SLC37A2: variants seen among roughly 807,000 people sequenced by gnomAD.
SLC37A2 encodes the protein solute carrier family 37 member 2, also known as glucose-6-phosphate exchanger SLC37A2.
In SLC37A2, 59 loss-of-function variants were observed where a neutral mutation model predicts 70.7. The ratio of observed to expected loss-of-function variants is 0.83; its 90% CI spans 0.68 to 1.04. The LOEUF is 1.04. Among genes scored for constraint, SLC37A2 ranks in the 50% least tolerant of loss-of-function variants. SLC37A2 has a pLI of 0.00. For missense variants in SLC37A2, 580 were observed against 658.1 expected, an observed-to-expected ratio of 0.88 and a Z score of 1.30; for synonymous variants, 257 against 262.1, an observed-to-expected ratio of 0.98 and a Z score of 0.19.
chr11:125,081,411 T>A lies in SLC37A2; in HGVS notation c.695-10T>A, dbSNP rs1291749932. ...TGGGAAACTTCTTAGAAAGCGATTT[T>A]TTTTTCTAGACCCAGAAGATGTGGA... is the stretch of plus-strand genomic sequence containing the variant. On this transcript the variant is annotated splice_polypyrimidine_tract_variant and intron_variant, in intron 7 of 17. Transcript: ENST00000403796. 6.2e-7 allele frequency: 1 copy of A among 1,604,234 alleles called. No individual in the cohort carries two copies. Among genetic ancestry groups the A allele is most frequent in the Admixed American group, 1.7e-5 (1 of 58,782 alleles).
chr11:125,066,891 A>T (rs1456864643), intron 1 of SLC37A2, among the ~76,000 whole-genome samples: 2 of 152,196 alleles, frequency 1.3e-5, no homozygotes, highest in East Asian at 3.8e-4. Context: ...GCTGATGTAC[A>T]TCTCCAGTTG....
At position 125,088,328 on chromosome 11, in the gene SLC37A2, G is replaced by GA. The variant is rs1350446554; in HGVS notation, c.*197dup. 1.4e-5 allele frequency: 9 copies of GA among 628,646 alleles called. No homozygotes were observed. The highest frequency in any genetic ancestry group is 2.5e-5 in the Non-Finnish European group (9 of 366,220). 38.9% of individuals were successfully genotyped at this position (628,646 alleles called of 1,614,324 possible). On this transcript the variant is annotated 3_prime_UTR_variant, in exon 18 of 18. Transcript: ENST00000403796. Reference sequence around the variant, plus strand: ...TGGGAAGGGGACTGCCAAGCATGAGGAAATAGAAGATTCAGGGGCCTGAGC... The same window carrying GA: ...TGGGAAGGGGACTGCCAAGCATGAGGAAAATAGAAGATTCAGGGGCCTGAGC...
At position 125,084,975 on chromosome 11, in the gene SLC37A2, G is replaced by T. The variant is rs1949189949; in HGVS notation, c.1175-91G>T. 4.4e-6 allele frequency: 7 copies of T among 1,593,394 alleles called. No homozygotes were observed. The Admixed American group carries it at 1.2e-4, about 27-fold the overall frequency. ...GGGGCACTGACAGGTGGAGGGGCTG[G>T]GAGGGCTGAAGGCTGGAGAGTGCTC... On this transcript the variant is annotated intron_variant, in intron 13 of 17. Coordinates refer to ENST00000403796, the MANE Select transcript of SLC37A2 (RefSeq NM_001145290.2).
Position 125,081,792 on chromosome 11 carries a change from T to C in SLC37A2, c.771T>C (p.Pro257=). The C allele has an allele frequency of 6.2e-7, 1 of 1,612,962 alleles. No individual in the cohort carries two copies. The highest frequency in any genetic ancestry group is 8.5e-7 in the Non-Finnish European group (1 of 1,179,366). The change falls in exon 9 of 18, where the codon CCT becomes CCC. Residue 257 remains proline (P), a synonymous_variant. Transcript: ENST00000403796. Reference sequence around the variant, plus strand: ...AGAACCAGGACAACCCTGAGGACCCTGGGAACAGTCCCTGCTCTATCAGGG... The same window carrying C: ...AGAACCAGGACAACCCTGAGGACCCCGGGAACAGTCCCTGCTCTATCAGGG... ...PAENQDNPED[P]GNSPCSIRES... is the part of the protein sequence containing the mutation.
chr11:125,085,877 G>A lies in SLC37A2; in HGVS notation c.1426-77G>A, dbSNP rs371961385. On this transcript the variant is annotated intron_variant, in intron 16 of 17. Transcript: ENST00000403796. ...TCCCCCTTCTCCACTGCCAGTCCACGGGTCACCCTGGTGCTGGGCACTCAG... is the reference window on the plus strand; with the variant it reads ...TCCCCCTTCTCCACTGCCAGTCCACAGGTCACCCTGGTGCTGGGCACTCAG... The A allele has an allele frequency of 5.9e-4, 837 of 1,414,584 alleles. 7 individuals carry two copies. In the African/African-American group the frequency reaches 9.4e-3, roughly 16 times the overall value. The allele number at this position is 1,414,584 out of a possible 1,614,324, so 87.6% of individuals were successfully genotyped here.
At chr11:125,071,257 C>T (rs912716832) in intron 1 of SLC37A2, among the ~76,000 whole-genome samples, 1 of 152,172 alleles carries the variant, frequency 6.6e-6, no homozygotes, top group African/African-American at 2.4e-5. Flanking sequence ...AGGACTGCAG[C>T]TCTGCCATCA....
At chr11:125,072,084 G>T (rs553837807) in intron 1 of SLC37A2, among the ~76,000 whole-genome samples, 1 of 152,202 alleles carries the variant, frequency 6.6e-6, no homozygotes, top group African/African-American at 2.4e-5. Context: ...ACATCTCTCG[G>T]GGGCAGCGTC....
At chr11:125,085,321 C>T in intron 14 of SLC37A2, 74 bp from the exon 15 acceptor site, 1 of 1,461,614 alleles carries the variant, frequency 6.8e-7, no homozygotes, top group Non-Finnish European at 9.5e-7. Flanking sequence ...TTCCCTGAGT[C>T]AGCCCCTCTC....
At position 125,079,764 on chromosome 11, in the gene SLC37A2, A is replaced by T. The variant is rs748147659; in HGVS notation, c.527+4A>T. ...GCAACTGGTTCGGGAAGGGGAAGTG[A>T]GTGTAACAAGGGAGGAGGAGTGGGA... On this transcript the variant is annotated splice_donor_region_variant and intron_variant, in intron 6 of 17. Coordinates refer to ENST00000403796, the MANE Select transcript of SLC37A2 (RefSeq NM_001145290.2). The T allele has an allele frequency of 6.2e-7, 1 of 1,605,972 alleles. No individual in the cohort carries two copies. Among genetic ancestry groups the T allele is most frequent in the Non-Finnish European group, 8.5e-7 (1 of 1,175,360 alleles).
At position 125,084,254 on chromosome 11, in the gene SLC37A2, G is replaced by C. The variant is rs200568702; in HGVS notation, c.1060G>C (p.Val354Leu). ...TCCAGGCGGCATCGTGGCAGGGCTC[G>C]TCTCTGACTACACCAATGGCAGGGC... ...GIIGGIVAGL[V>L]SDYTNGRATT... is the part of the protein sequence containing the mutation. Residue 354 changes from valine (V) to leucine (L), a missense_variant, in exon 12 of 18, where the codon GTC (valine) becomes CTC (leucine). Transcript: ENST00000403796. The C allele has an allele frequency of 1.6e-5, 26 of 1,614,220 alleles. 1 individual carries two copies. The highest frequency in any genetic ancestry group is 1.6e-5 in the Non-Finnish European group (19 of 1,180,034).
rs538660016 is a variant in SLC37A2, at chr11:125,076,438, G to A, written c.60-319G>A. Among the ~76,000 whole-genome samples the A allele has an allele frequency of 4.7e-4, 72 of 152,178 alleles. No homozygotes were observed. The South Asian group carries it at 0.015, about 31-fold the overall frequency. On this transcript the variant is annotated intron_variant, in intron 1 of 17. Coordinates refer to ENST00000403796, the MANE Select transcript of SLC37A2 (RefSeq NM_001145290.2). ...CACACACATGCACACACACACAGGCGCCCTGACCTCAGGGAGGTCGACAAA... is the reference window on the plus strand; with the variant it reads ...CACACACATGCACACACACACAGGCACCCTGACCTCAGGGAGGTCGACAAA...
chr11:125,087,224 T>C (rs1949228351), intron 17 of SLC37A2: 1 of 152,320 alleles, frequency 6.6e-6, no homozygotes, highest in African/African-American at 2.4e-5. Context: ...CAGCCTCTCA[T>C]TGAAGGTGAG....
In SLC37A2 at chr11:125,081,899, G is replaced by A. The variant is rs4132182; in HGVS notation, c.878G>A (p.Arg293Gln). Residue 293 changes from arginine (R) to glutamine (Q), a missense_variant, in exon 9 of 18, where the codon CGG becomes CAG. By Grantham distance (43) the Arg-to-Gln change is conservative (BLOSUM62 1). Coordinates refer to ENST00000403796, the MANE Select transcript of SLC37A2 (RefSeq NM_001145290.2). ...GCCATCAGCTTCTTTGGGGCGCTCC[G>A]GATCCCAGTAAGAAGTTTGTGGAAT... ...PAAISFFGAL[R>Q]IPGVVEFSLC... 508 of 1,604,402 alleles carry A rather than the reference G, an allele frequency of 3.2e-4. 4 individuals carry two copies. The African/African-American group carries it at 4.7e-3, about 15-fold the overall frequency.
At chr11:125,075,237 C>A (rs913206985) in intron 1 of SLC37A2, among the ~76,000 whole-genome samples, 3 of 152,210 alleles carry the variant, frequency 2.0e-5, no homozygotes, top group African/African-American at 7.2e-5. Context: ...TGCAGAAGGC[C>A]AGCTGGGCAC....
At chr11:125,079,268 CTTG>C in intron 5 of SLC37A2, 21 bp downstream of exon 5, 1 of 1,613,864 alleles carries the variant, frequency 6.2e-7, no homozygotes, top group Non-Finnish European at 8.5e-7. Context: ...CCGTCTTGCA[CTTG>C]GGCCTGTGTT....
At chr11:125,081,484 T>A in intron 8 of SLC37A2, 26 bp downstream of exon 8, 1 of 1,600,358 alleles carries the variant, frequency 6.2e-7, no homozygotes. Context: ...CCCAGCCCTA[T>A]CCCTGCCCTC....
intron 1 of SLC37A2, among the ~76,000 whole-genome samples, chr11:125,074,783 C>T (rs1189012504): frequency 6.6e-6 from 1 of 152,196 alleles, no homozygotes; most frequent in Non-Finnish European, 1.5e-5. Context: ...GCCGAGCCTG[C>T]AATGAAAGAA....
At chr11:125,065,939 A>G (rs1948975567) in intron 1 of SLC37A2, among the ~76,000 whole-genome samples, 1 of 152,252 alleles carries the variant, frequency 6.6e-6, no homozygotes, top group Non-Finnish European at 1.5e-5. Context: ...CTAAGAAGAA[A>G]GAGAAAGGTC....
At chr11:125,081,951 T>A (rs1193449355) in intron 9 of SLC37A2, 45 bp downstream of exon 9, 2 of 1,556,180 alleles carry the variant, frequency 1.3e-6, no homozygotes, top group South Asian at 2.4e-5. Context: ...CTTTCCAGAT[T>A]TTTTCTGTTG....
Sources: gnomAD v4.1 joint callset for allele counts (sites outside exome capture counted in the v4.1 genomes callset) on GRCh38, gnomAD v4.1.1 for gene constraint, MANE v1.5 for transcripts, NCBI Gene and HGNC (gene_info 2026-07-23, HGNC 2026-07-21) for gene names.